Variants in ADAMTS6 observed in about 807,000 individuals in gnomAD.
ADAMTS6 encodes the protein A disintegrin and metalloproteinase with thrombospondin motifs 6.
A neutral mutation model predicts 144.3 loss-of-function variants in ADAMTS6; 23 were observed. That is an observed-to-expected ratio of 0.16 (90% confidence interval 0.11 to 0.23). The LOEUF is 0.23. Among genes scored for constraint, ADAMTS6 ranks in the 10% least tolerant of loss-of-function variants. The pLI, the probability that ADAMTS6 is intolerant of heterozygous loss-of-function variation, is 1.00. For synonymous variants in ADAMTS6, 444 were observed against 457.5 expected, an observed-to-expected ratio of 0.97 and a Z score of 0.38; for missense variants, 999 against 1,379.6, an observed-to-expected ratio of 0.72 and a Z score of 4.37.
At chr5:65,430,657 G>A (rs2150215195) in intron 7 of ADAMTS6, among the ~76,000 whole-genome samples, 1 of 152,228 alleles carries the variant, frequency 6.6e-6, no homozygotes, top group Middle Eastern at 3.4e-3. Flanking sequence ...TTTTCAAAAT[G>A]AACAGACAGG....
chr5:65,456,589 T>A (rs1759226170), intron 4 of ADAMTS6, among the ~76,000 whole-genome samples: 1 of 152,196 alleles, frequency 6.6e-6, no homozygotes, highest in Admixed American at 6.5e-5. Context: ...ATAAACTCCA[T>A]GAGAGCAGGG....
At chr5:65,337,695 CA>C (rs1747436785) in intron 7 of ADAMTS6, among the ~76,000 whole-genome samples, 1 of 152,066 alleles carries the variant, frequency 6.6e-6, no homozygotes, top group African/African-American at 2.4e-5. Context: ...TCACTAACTT[CA>C]CACCCTCTTT....
chr5:65,193,330 T>G (rs1755130721), intron 21 of ADAMTS6, among the ~76,000 whole-genome samples: 1 of 151,974 alleles, frequency 6.6e-6, no homozygotes, highest in Non-Finnish European at 1.5e-5. Flanking sequence ...GTTCATATCC[T>G]TAATACATTA....
chr5:65,204,760 C>G (rs1289739970), intron 20 of ADAMTS6, among the ~76,000 whole-genome samples: 1 of 152,126 alleles, frequency 6.6e-6, no homozygotes, highest in Non-Finnish European at 1.5e-5. Context: ...TTTTAAAAAT[C>G]TCAGTGATAG....
chr5:65,440,794 T>A (rs1757806759), intron 7 of ADAMTS6, among the ~76,000 whole-genome samples: 1 of 152,132 alleles, frequency 6.6e-6, no homozygotes, highest in African/African-American at 2.4e-5. Context: ...CAGAAGGGAC[T>A]TGCCTCAGTA....
chr5:65,422,968 G>A (rs188134629), intron 7 of ADAMTS6, among the ~76,000 whole-genome samples: 21 of 152,032 alleles, frequency 1.4e-4, no homozygotes, highest in East Asian at 1.2e-3. Flanking sequence ...ACACACACAC[G>A]CTGGAATACT....
At chr5:65,473,408 C>T (rs1045662681) in intron 2 of ADAMTS6, among the ~76,000 whole-genome samples, 169 bp downstream of exon 2, 2 of 152,048 alleles carry the variant, frequency 1.3e-5, no homozygotes, top group Non-Finnish European at 2.9e-5. Context: ...AGTTAAACGA[C>T]GCATAGCCCT....
chr5:65,437,053 A>G (rs905727222), intron 7 of ADAMTS6, among the ~76,000 whole-genome samples: 10 of 151,758 alleles, frequency 6.6e-5, no homozygotes, highest in African/African-American at 1.5e-4. Flanking sequence ...CATGTCTCAC[A>G]TGGCAGCAGA....
chr5:65,388,912 A>T (rs1461906446), intron 7 of ADAMTS6, among the ~76,000 whole-genome samples: 1 of 152,194 alleles, frequency 6.6e-6, no homozygotes, highest in African/African-American at 2.4e-5. Context: ...ATGCTATAGA[A>T]ATGAAGGTTT....
intron 9 of ADAMTS6, among the ~76,000 whole-genome samples, chr5:65,326,862 G>A (rs1391828153): frequency 2.6e-5 from 4 of 152,154 alleles, no homozygotes; most frequent in African/African-American, 4.8e-5. Context: ...TTAAAAGAAA[G>A]TAAAGGGATC....
At chr5:65,194,163 T>C (rs769283435) in intron 21 of ADAMTS6, among the ~76,000 whole-genome samples, 4 of 152,222 alleles carry the variant, frequency 2.6e-5, no homozygotes, top group South Asian at 2.1e-4. Flanking sequence ...ATAATACCAA[T>C]GTCAACTGGG....
intron 7 of ADAMTS6, among the ~76,000 whole-genome samples, chr5:65,436,301 A>T (rs926489021): frequency 6.6e-6 from 1 of 152,154 alleles, no homozygotes; most frequent in Non-Finnish European, 1.5e-5. Context: ...ACAGAGTAAG[A>T]CCTTGTCTCA....
At position 65,214,380 on chromosome 5, in the gene ADAMTS6, A is replaced by C. The variant is rs982920816; in HGVS notation, c.2575+414T>G. ...GATTGTGGCAAACACACAGGCACAC[A>C]AACACACACAACAAGCACACAGCCG... On this transcript the variant is annotated intron_variant, in intron 20 of 24. Coordinates refer to ENST00000381055, the MANE Select transcript of ADAMTS6 (RefSeq NM_197941.4). This position sits in a 1 kb window ranked among gnomAD's most constrained non-coding sequence, Gnocchi z 4.6. 2 of 336,178 alleles carry C rather than the reference A, an allele frequency of 5.9e-6. No homozygotes were observed. Among genetic ancestry groups the C allele is most frequent in the Non-Finnish European group, 1.2e-5 (2 of 173,052 alleles). 20.8% of individuals were successfully genotyped at this position (336,178 alleles called of 1,614,324 possible).
Position 65,169,686 on chromosome 5 carries a change from C to T in ADAMTS6, c.3244+931G>A, listed in dbSNP as rs1180257665. Among the ~76,000 whole-genome samples, 27 of 151,066 alleles carry T rather than the reference C, an allele frequency of 1.8e-4. No individual in the cohort carries two copies. In the East Asian group the frequency reaches 5.2e-3, roughly 29 times the overall value. The stretch of plus-strand genomic sequence containing the variant: ...ATTAAGAAAATGTGGCACATATACA[C>T]CATGGAATACTATGCAGACATAAAA... On this transcript the variant is annotated intron_variant, in intron 24 of 24. Coordinates refer to ENST00000381055, the MANE Select transcript of ADAMTS6 (RefSeq NM_197941.4).
At chr5:65,152,096 G>A in intron 24 of ADAMTS6, 151 bp from the exon 25 acceptor site, 2 of 569,392 alleles carry the variant, frequency 3.5e-6, no homozygotes, top group South Asian at 2.5e-5. Context: ...TTGTTTTTAA[G>A]CATACCCTGC....
intron 7 of ADAMTS6, among the ~76,000 whole-genome samples, chr5:65,359,506 T>C (rs370626494): frequency 4.6e-5 from 7 of 152,260 alleles, no homozygotes; most frequent in African/African-American, 1.7e-4. Context: ...ACCCTCCAAA[T>C]TTTAAAATTG....
At chr5:65,436,096 G>T (rs1757378571) in intron 7 of ADAMTS6, among the ~76,000 whole-genome samples, 1 of 152,066 alleles carries the variant, frequency 6.6e-6, no homozygotes, top group African/African-American at 2.4e-5. Flanking sequence ...GGGCACTGCA[G>T]CTCACACCTA....
chr5:65,320,635 T>C (rs1231111424), intron 9 of ADAMTS6, among the ~76,000 whole-genome samples: 1 of 152,090 alleles, frequency 6.6e-6, no homozygotes, highest in Non-Finnish European at 1.5e-5. Flanking sequence ...GGGTCTGTTT[T>C]ATAGGTTATT....
chr5:65,458,557 A>T (rs1254737562), intron 4 of ADAMTS6, among the ~76,000 whole-genome samples: 1 of 152,126 alleles, frequency 6.6e-6, no homozygotes, highest in Non-Finnish European at 1.5e-5. Context: ...GACTACAGGC[A>T]AGCACCAACA....
Sources: gnomAD v4.1 joint callset for allele counts (sites outside exome capture counted in the v4.1 genomes callset) on GRCh38, gnomAD v4.1.1 for gene constraint, Gnocchi (gnomAD v3.1) non-coding constraint, MANE v1.5 for transcripts, NCBI Gene and HGNC (gene_info 2026-07-23, HGNC 2026-07-21) for gene names.